ATP7A: variants seen among roughly 807,000 people sequenced by gnomAD.
ATP7A encodes the protein ATPase copper transporting alpha.
Under a neutral mutation model 83.5 loss-of-function variants are expected in ATP7A, and 7 were observed. That is an observed-to-expected ratio of 0.08 (90% CI 0.05 to 0.16). The LOEUF is 0.16. Among genes scored for constraint, ATP7A ranks in the 10% least tolerant of loss-of-function variants. The pLI is 1.00. For missense variants in ATP7A, 940 were observed against 1,120.8 expected (o/e 0.84, Z 2.30); for synonymous variants, 354 against 395.2 (o/e 0.90, Z 1.24).
At chrX:77,917,457 A>G (rs1456571164) in intron 1 of ATP7A, among the ~76,000 whole-genome samples, 1 of 111,735 alleles carries the variant, frequency 8.9e-6, no homozygotes, top group East Asian at 2.8e-4. Context: ...ATAGGCAACA[A>G]ACTGATATTT....
chrX:78,023,775 T>C (rs931778937), intron 14 of ATP7A, among the ~76,000 whole-genome samples: 2 of 112,091 alleles, frequency 1.8e-5, no homozygotes, highest in African/African-American at 6.5e-5. Flanking sequence ...ATTGTTTCTT[T>C]TGTTGTGCAG....
intron 5 of ATP7A, among the ~76,000 whole-genome samples, chrX:78,001,075 GA>G (rs1273790282): frequency 9.0e-6 from 1 of 111,425 alleles, no homozygotes; most frequent in Non-Finnish European, 1.9e-5. Flanking sequence ...TTTGACATTT[GA>G]AAAATCAAAT....
Position 78,015,894 on chromosome X carries a change from A to G in ATP7A, c.2626+13A>G, listed in dbSNP as rs1347018211. 8.3e-7 allele frequency: 1 copy of G among 1,209,381 alleles called. No homozygotes were observed. The highest frequency in any genetic ancestry group is 1.7e-5 in the African/African-American group (1 of 57,299). ...TCCCTCATCACAGGTATGTTCTTTC[A>G]AAGGATCATGACCAAAATGTTAAGA... On this transcript the variant is annotated intron_variant, in intron 12 of 22. Transcript: ENST00000341514.
chrX:78,013,985 G>A (rs1292399752), intron 10 of ATP7A, among the ~76,000 whole-genome samples: 1 of 111,531 alleles, frequency 9.0e-6, no homozygotes, highest in Non-Finnish European at 1.9e-5. Context: ...ATCATCGGAT[G>A]TTTATATTTC....
intron 1 of ATP7A, among the ~76,000 whole-genome samples, chrX:77,954,304 C>T (rs1015044126): frequency 1.9e-4 from 21 of 110,793 alleles, no homozygotes; most frequent in Admixed American, 1.4e-3. Context: ...CCACCATGCC[C>T]GGCTAATTTT....
chrX:77,998,732 C>A (rs2077720633), intron 5 of ATP7A, 48 bp downstream of exon 5: 5 of 1,146,752 alleles, frequency 4.4e-6, no homozygotes, highest in South Asian at 1.8e-5. Context: ...TTTGGGAGCT[C>A]CATCTTTTTT....
At position 78,050,106 on chromosome X, in the gene ATP7A, G is replaced by A. The variant is rs1429384912; in HGVS notation, c.*3536G>A. 1.8e-5 allele frequency: 2 copies of A among 112,232 alleles called. No individual in the cohort carries two copies. Among genetic ancestry groups the A allele is most frequent in the East Asian group, 5.5e-4 (2 of 3,608 alleles). 9.2% of individuals were successfully genotyped at this position (112,232 alleles called of 1,213,427 possible). A position where few individuals can be genotyped will look rare whatever the true frequency, so the allele number is the denominator to read the frequency against. On this transcript the variant is annotated 3_prime_UTR_variant, in exon 23 of 23. Transcript: ENST00000341514. ...TATGAGTAACCAGATAGAGCACAAA[G>A]CATGAGTTCTTGTTCTTCAGTTAAA...
intron 5 of ATP7A, among the ~76,000 whole-genome samples, chrX:77,999,858 C>T (rs1280996000): frequency 4.8e-5 from 5 of 103,895 alleles, no homozygotes; most frequent in African/African-American, 1.1e-4. Flanking sequence ...GAGCTGAGAT[C>T]GTGCCAGCCA....
intron 1 of ATP7A, chrX:77,966,832 G>C (rs1343741397): frequency 1.8e-5 from 6 of 328,118 alleles, no homozygotes; most frequent in African/African-American, 1.6e-4. Flanking sequence ...GTGCAGGTTT[G>C]TTACGTAGGT....
Position 78,030,694 on chromosome X carries a change from C to CTT in ATP7A, c.3112-692_3112-691dup, listed in dbSNP as rs781934660. Among the ~76,000 whole-genome samples the CTT allele has an allele frequency of 1.6e-4, 15 of 95,743 alleles. 1 individual carries two copies. The highest frequency in any genetic ancestry group is 3.8e-4 in the African/African-American group (10 of 26,123). 83.1% of individuals were successfully genotyped at this position (95,743 alleles called of 115,157 possible). On this transcript the variant is annotated intron_variant, in intron 15 of 22. Transcript: ENST00000341514. ...TTATTTTTCTTTTCTTTCTTTCTTT[C>CTT]TTTTTTTTTTTTTTTGAGATGAAGT... is the stretch of plus-strand genomic sequence containing the variant.
In ATP7A at chrX:78,011,659, G is replaced by C. The variant is rs1557234540; in HGVS notation, c.2157G>C (p.Leu719Phe). 1 of 1,208,217 alleles carries C rather than the reference G, an allele frequency of 8.3e-7. No homozygotes were observed. Residue 719 changes from leucine to phenylalanine, a missense_variant, in exon 9 of 23, where the codon TTG becomes TTC. Leu to Phe is a conservative substitution (Grantham distance 22). Transcript: ENST00000341514. ...LSVMNLLSFL[L>F]CVPVQFFGGW... is the part of the protein sequence containing the mutation. ...TTATGAATTTGCTGTCCTTTTTATT[G>C]TGTGTACCTGTACAGGCAAGTGAAT...
chrX:78,020,512 G>T, intron 13 of ATP7A, 114 bp downstream of exon 13: 1 of 934,043 alleles, frequency 1.1e-6, no homozygotes. Context: ...TTAATATGGA[G>T]TTCGTTTGTT....
At chrX:78,019,315 G>C (rs1326396624) in intron 12 of ATP7A, among the ~76,000 whole-genome samples, 3 of 112,017 alleles carry the variant, frequency 2.7e-5, no homozygotes, top group African/African-American at 9.7e-5. Context: ...CATAGTTTTA[G>C]AAATTTTAGG....
intron 4 of ATP7A, among the ~76,000 whole-genome samples, 185 bp from the exon 5 acceptor site, chrX:77,998,293 G>A: frequency 8.9e-6 from 1 of 111,893 alleles, no homozygotes; most frequent in Non-Finnish European, 1.9e-5. Context: ...GGGATGGGAA[G>A]TATTGAAATT....
At chrX:77,934,914 T>A (rs1220641409) in intron 1 of ATP7A, among the ~76,000 whole-genome samples, 1 of 107,438 alleles carries the variant, frequency 9.3e-6, no homozygotes, top group East Asian at 2.9e-4. Context: ...AGTGGTGTGA[T>A]CTAGTGTCAG....
intron 6 of ATP7A, among the ~76,000 whole-genome samples, chrX:78,007,352 G>C (rs1393076039): frequency 3.7e-5 from 4 of 109,286 alleles, no homozygotes; most frequent in Admixed American, 9.8e-5. Flanking sequence ...TTGAGACGGA[G>C]TCTCGCTCTG....
intron 21 of ATP7A, among the ~76,000 whole-genome samples, chrX:78,045,174 A>G (rs2078075664): frequency 8.9e-6 from 1 of 111,753 alleles, no homozygotes; most frequent in African/African-American, 3.3e-5. Flanking sequence ...ACTTTGGAGA[A>G]CAGCTGAGGA....
chrX:77,969,454 C>T, intron 1 of ATP7A: 1 of 1,210,634 alleles, frequency 8.3e-7, no homozygotes, highest in Non-Finnish European at 1.1e-6. Flanking sequence ...CCGGATCACT[C>T]TCTTCTGCAC....
rs200949792 is a variant in ATP7A at position 78,022,487 on chromosome X, A to ATGTTTGTT, written c.2916+1422_2916+1429dup. On this transcript the variant is annotated intron_variant, in intron 14 of 22. Coordinates refer to ENST00000341514, the MANE Select transcript of ATP7A (RefSeq NM_000052.7). The stretch of plus-strand genomic sequence containing the variant: ...TTTTTTATTCAGGAGGTACATGTGC[A>ATGTTTGTT]TGTTTGTTTGTTTGTTTGTTTATTT... Among the ~76,000 whole-genome samples the ATGTTTGTT allele has an allele frequency of 6.6e-3, 544 of 82,933 alleles. 2 individuals are homozygous for ATGTTTGTT. The highest frequency in any genetic ancestry group is 0.019 in the Middle Eastern group (3 of 160). The allele number at this position is 82,933 out of a possible 115,157, so 72.0% of individuals were successfully genotyped here.
Sources: gnomAD v4.1 joint callset for allele counts (sites outside exome capture counted in the v4.1 genomes callset) on GRCh38, gnomAD v4.1.1 for gene constraint, MANE v1.5 for transcripts, NCBI Gene and HGNC (gene_info 2026-07-23, HGNC 2026-07-21) for gene names.